SCRG1: variants seen among roughly 807,000 people sequenced by gnomAD.
The protein encoded by SCRG1 is stimulator of chondrogenesis 1.
A neutral mutation model predicts 7.7 loss-of-function variants in SCRG1; 3 were observed. That is an observed-to-expected ratio of 0.39 (90% CI 0.18 to 1.01). SCRG1 has a LOEUF of 1.01. Ranked by LOEUF, SCRG1 falls within the 50% of genes least tolerant of loss-of-function variation. The pLI, the probability that SCRG1 is intolerant of heterozygous loss-of-function variation, is 0.36. For synonymous variants in SCRG1, 46 were observed against 41.2 expected (o/e 1.12, Z -0.44); for missense variants, 110 against 117.2 (o/e 0.94, Z 0.28).
the SCRG1 span, among the ~76,000 whole-genome samples, chr4:173,474,422 C>T: frequency 6.6e-6 from 1 of 151,978 alleles, no homozygotes; most frequent in Non-Finnish European, 1.5e-5. Flanking sequence ...GGAGACAGAA[C>T]ATCAGAAAGT....
At chr4:173,472,734 C>A in the SCRG1 span, among the ~76,000 whole-genome samples, 1 of 152,112 alleles carries the variant, frequency 6.6e-6, no homozygotes, top group African/African-American at 2.4e-5. Flanking sequence ...GGATGAAGTG[C>A]ACCCACATTA....
At chr4:173,504,815 G>A in the SCRG1 span, among the ~76,000 whole-genome samples, 1 of 152,146 alleles carries the variant, frequency 6.6e-6, no homozygotes, top group Non-Finnish European at 1.5e-5. This position sits in a 1 kb window ranked among gnomAD's most constrained non-coding sequence, Gnocchi z 4.7. Flanking sequence ...CATGACCCAG[G>A]GGGATCATCC....
the SCRG1 span, among the ~76,000 whole-genome samples, chr4:173,479,443 GTT>G: frequency 3.0e-5 from 4 of 135,234 alleles, no homozygotes; most frequent in African/African-American, 5.4e-5. Context: ...TTGTTTTTTT[GTT>G]TTTTTTTTTT....
the SCRG1 span, among the ~76,000 whole-genome samples, chr4:173,518,543 T>A: frequency 3.5e-3 from 539 of 152,210 alleles, 3 homozygotes; most frequent in African/African-American, 0.012. Context: ...ATGCTCCCCC[T>A]CTCACCTTGG....
chr4:173,402,740 C>G (rs1358346771), upstream of SCRG1, among the ~76,000 whole-genome samples: 1 of 152,120 alleles, frequency 6.6e-6, no homozygotes, highest in Non-Finnish European at 1.5e-5. Context: ...CTGGGCTCAC[C>G]AAGGCTGGCA....
intron 1 of SCRG1, among the ~76,000 whole-genome samples, chr4:173,393,078 G>A (rs1448451413): frequency 5.4e-5 from 8 of 147,184 alleles, no homozygotes; most frequent in Admixed American, 3.4e-4. Context: ...ATGACAGAGC[G>A]AGACTCCGTC....
At chr4:173,424,892 C>G in the SCRG1 span, among the ~76,000 whole-genome samples, 1 of 5,800 alleles carries the variant, frequency 1.7e-4, no homozygotes, top group African/African-American at 2.2e-4. Flanking sequence ...GAGTGAGACT[C>G]CATCTTAAAA....
the SCRG1 span, among the ~76,000 whole-genome samples, chr4:173,483,806 G>T: frequency 0.043 from 370 of 8,608 alleles, 89 homozygotes; most frequent in East Asian, 0.11. Context: ...TATGATATAT[G>T]ATATGTAATA....
rs776525832 is a variant in SCRG1, at chr4:173,391,283, T to C, written c.132A>G (p.Gly44=). ...KDHNCHNLPE[G]VADLTQIDVN... ...CATCAATCTGTGTCAGGTCAGCTAC[T>C]CCTTCCGGAAGGTTGTGACAGTTGT... Residue 44 remains glycine, a synonymous_variant, in exon 2 of 3, where the codon GGA becomes GGG. Coordinates refer to ENST00000296506, the MANE Select transcript of SCRG1 (RefSeq NM_007281.4). The C allele has an allele frequency of 6.2e-7, 1 of 1,614,180 alleles. No homozygotes were observed. Among genetic ancestry groups the C allele is most frequent in the East Asian group, 2.2e-5 (1 of 44,884 alleles).
chr4:173,486,152 C>A, the SCRG1 span, among the ~76,000 whole-genome samples: 4 of 152,136 alleles, frequency 2.6e-5, no homozygotes, highest in African/African-American at 9.7e-5. Flanking sequence ...TCTCTTCTTT[C>A]CTCTTGAAAA....
chr4:173,516,965 G>T, the SCRG1 span, among the ~76,000 whole-genome samples: 2 of 152,236 alleles, frequency 1.3e-5, no homozygotes, highest in Non-Finnish European at 2.9e-5. Context: ...TAAAAAAGTG[G>T]AGAGAAATTT....
the SCRG1 span, among the ~76,000 whole-genome samples, chr4:173,508,558 A>G: frequency 6.6e-6 from 1 of 152,254 alleles, no homozygotes; most frequent in East Asian, 1.9e-4. This position sits in a 1 kb window ranked among gnomAD's most constrained non-coding sequence, Gnocchi z 4.4. Context: ...ATGAAGCCAG[A>G]CCACAGCCCC....
the SCRG1 span, among the ~76,000 whole-genome samples, chr4:173,451,728 G>A: frequency 6.6e-6 from 1 of 151,402 alleles, no homozygotes; most frequent in East Asian, 2.0e-4. Context: ...GAGTGCAGTG[G>A]CACGATCTCA....
At chr4:173,424,663 C>T in the SCRG1 span, among the ~76,000 whole-genome samples, 1 of 152,122 alleles carries the variant, frequency 6.6e-6, no homozygotes, top group Non-Finnish European at 1.5e-5. Context: ...TATCCCAGAA[C>T]TTTGGGAGGC....
At chr4:173,432,394 C>T in the SCRG1 span, among the ~76,000 whole-genome samples, 10 of 150,036 alleles carry the variant, frequency 6.7e-5, no homozygotes. Flanking sequence ...TCTTCCTCCC[C>T]TTACTCCTCC....
In SCRG1 at chr4:173,391,318, G is replaced by A. The variant is rs1173619076; in HGVS notation, c.97C>T (p.Leu33=). 2 of 1,614,032 alleles carry A rather than the reference G, an allele frequency of 1.2e-6. No individual in the cohort carries two copies. Among genetic ancestry groups the A allele is most frequent in the Non-Finnish European group, 1.7e-6 (2 of 1,180,030 alleles). ...ANRLSCYRKI[L]KDHNCHNLPE... ...AGGTTGTGACAGTTGTGATCTTTTA[G>A]TATCTTTCTGTAGCAAGAGAGGCGA... is the stretch of plus-strand genomic sequence containing the variant. Residue 33 remains leucine (L), a synonymous_variant, in exon 2 of 3, where the codon CTA becomes TTA. Coordinates refer to ENST00000296506, the MANE Select transcript of SCRG1 (RefSeq NM_007281.4).
chr4:173,409,551 T>C (rs939778979), upstream of SCRG1, among the ~76,000 whole-genome samples: 1 of 151,722 alleles, frequency 6.6e-6, no homozygotes, highest in African/African-American at 2.4e-5. Context: ...GACTAAGATA[T>C]GAATTCCCTG....
At chr4:173,495,999 T>C in the SCRG1 span, among the ~76,000 whole-genome samples, 1 of 151,996 alleles carries the variant, frequency 6.6e-6, no homozygotes, top group African/African-American at 2.4e-5. Flanking sequence ...GAGGGAAGTG[T>C]GACCCAGGCA....
At chr4:173,483,869 TTA>T in the SCRG1 span, among the ~76,000 whole-genome samples, 4 of 71,472 alleles carry the variant, frequency 5.6e-5, 1 homozygote, top group South Asian at 7.1e-4. Context: ...ATTACATATG[TTA>T]TATATATTTC....
Sources: allele counts gnomAD v4.1 joint callset (sites outside exome capture counted in the v4.1 genomes callset), GRCh38; gene constraint gnomAD v4.1.1; non-coding constraint Gnocchi (gnomAD v3.1); transcripts MANE v1.5; gene names NCBI Gene and HGNC (gene_info 2026-07-23, HGNC 2026-07-21).